Variants in LRRC4B observed in about 807,000 individuals in gnomAD.
LRRC4B encodes the protein leucine-rich repeat-containing protein 4B.
A neutral mutation model predicts 7.3 loss-of-function variants in LRRC4B; 1 was observed. The observed-to-expected ratio is 0.14, with a 90% CI of 0.05 to 0.65. The LOEUF is 0.65. Ranked by LOEUF, LRRC4B falls within the 30% of genes least tolerant of loss-of-function variation. The pLI, the probability that LRRC4B is intolerant of heterozygous loss-of-function variation, is 0.84. For synonymous variants in LRRC4B, 500 were observed against 499.2 expected (o/e 1.00, Z -0.02); for missense variants, 730 against 1,041.6 (o/e 0.70, Z 4.12).
chr19:50,520,227 AAAAAAAAAAAAAAAAAAAAAG>A (rs1980505208), intron 2 of LRRC4B, among the ~76,000 whole-genome samples: 3 of 68,434 alleles, frequency 4.4e-5, no homozygotes, highest in African/African-American at 1.2e-4. Context: ...AAAAAAAAAA[AAAAAAAAAAAAAAAAAAAAAG>A]AAGAAAAGAA....
At position 50,544,207 on chromosome 19, in the gene LRRC4B, C is replaced by CA. The variant is rs1405467255; in HGVS notation, c.297+4334dup. Among the ~76,000 whole-genome samples, 13 of 147,818 alleles carry CA rather than the reference C, an allele frequency of 8.8e-5. No individual in the cohort carries two copies. The South Asian group carries it at 1.9e-3, about 22-fold the overall frequency. ...GGGCAACAAAAGCAAAACTCCATCTCAAAAAAAATAAAAAATAGGCCGGGC... is the reference window on the plus strand; with the variant it reads ...GGGCAACAAAAGCAAAACTCCATCTCAAAAAAAAATAAAAAATAGGCCGGGC... On this transcript the variant is annotated intron_variant, in intron 2 of 2. Transcript: ENST00000652263.
intron 2 of LRRC4B, among the ~76,000 whole-genome samples, chr19:50,528,324 A>G (rs1171817419): frequency 2.0e-5 from 3 of 151,974 alleles, no homozygotes; most frequent in Non-Finnish European, 4.4e-5. Flanking sequence ...TACAGGTGTG[A>G]GTCACTATGT....
intron 2 of LRRC4B, among the ~76,000 whole-genome samples, chr19:50,521,575 G>A (rs565397985): frequency 2.0e-5 from 3 of 152,166 alleles, no homozygotes; most frequent in Admixed American, 2.0e-4. Context: ...TTACAGGGTC[G>A]TGCCACCACG....
Position 50,517,775 on chromosome 19 carries a change from C to T in LRRC4B, c.1938G>A (p.Gly646=). Residue 646 remains glycine, a synonymous_variant, in exon 3 of 3, where the codon GGG becomes GGA. Transcript: ENST00000652263. The surrounding 1 kb of genome is among the most constrained non-coding windows in gnomAD (Gnocchi z 6.6). ...AAVASGGGVG[G]DSHLALPALE... is the part of the protein sequence containing the mutation. ...GGGCGGGCAGGGCCAGGTGGCTGTC[C>T]CCGCCCACACCACCCCCACTGGCCA... 1 of 1,525,168 alleles carries T rather than the reference C, an allele frequency of 6.6e-7. No individual in the cohort carries two copies. Among genetic ancestry groups the T allele is most frequent in the Non-Finnish European group, 8.8e-7 (1 of 1,141,864 alleles). The allele number at this position is 1,525,168 out of a possible 1,614,324, so 94.5% of individuals were successfully genotyped here.
At chr19:50,552,425 GC>G (rs898795220) in intron 1 of LRRC4B, among the ~76,000 whole-genome samples, 1 of 151,826 alleles carries the variant, frequency 6.6e-6, no homozygotes, top group African/African-American at 2.4e-5. Flanking sequence ...TGCCACAAAG[GC>G]CCCCACCCCT....
chr19:50,557,805 CTT>C (rs1047303440), intron 1 of LRRC4B: 1 of 152,152 alleles, frequency 6.6e-6, no homozygotes, highest in African/African-American at 2.4e-5. Context: ...GTGTGGTCCA[CTT>C]ATATGTGGAC....
intron 2 of LRRC4B, among the ~76,000 whole-genome samples, chr19:50,542,468 G>A (rs907608769): frequency 3.2e-4 from 46 of 143,800 alleles, no homozygotes; most frequent in African/African-American, 1.1e-3. Context: ...GAGAATTGCT[G>A]ATTTTTTTTT....
At position 50,555,016 on chromosome 19, in the gene LRRC4B, C is replaced by G. The variant is rs929279681; in HGVS notation, c.-35-6143G>C. 6.6e-6 allele frequency among the ~76,000 whole-genome samples: 1 copy of G among 152,318 alleles called. No individual in the cohort carries two copies. The highest frequency in any genetic ancestry group is 2.1e-4 in the South Asian group (1 of 4,828). On this transcript the variant is annotated intron_variant, in intron 1 of 2. Coordinates refer to ENST00000652263, the MANE Select transcript of LRRC4B (RefSeq NM_001080457.2). This position sits in a 1 kb window ranked among gnomAD's most constrained non-coding sequence, Gnocchi z 5.2. ...CCCTTCCTCAGCCCCTGCAGTCACC[C>G]GCACTGCACAGGATATCACACGCCC...
chr19:50,551,364 G>A (rs895926511), intron 1 of LRRC4B, among the ~76,000 whole-genome samples: 9 of 150,432 alleles, frequency 6.0e-5, no homozygotes, highest in African/African-American at 1.2e-4. Context: ...CTGGCCTGTC[G>A]CCCTTCCCAC....
intron 1 of LRRC4B, among the ~76,000 whole-genome samples, chr19:50,559,806 G>A (rs993101309): frequency 9.9e-5 from 15 of 152,240 alleles, no homozygotes; most frequent in Admixed American, 9.2e-4. Context: ...TCTCAGACAT[G>A]AATGTGTGTC....
rs1055848974 is a variant in LRRC4B, at chr19:50,556,456, G to A, written c.-35-7583C>T. On this transcript the variant is annotated intron_variant, in intron 1 of 2. Transcript: ENST00000652263. The surrounding 1 kb of genome is among the most constrained non-coding windows in gnomAD (Gnocchi z 4.2). ...GCCCCTGCTGTGCCCTCGGCCAGCC[G>A]GGGGTGCTCTTCCTGGGGTCAGGGG... Among the ~76,000 whole-genome samples, 2 of 152,110 alleles carry A rather than the reference G, an allele frequency of 1.3e-5. No individual in the cohort carries two copies. The highest frequency in any genetic ancestry group is 4.8e-5 in the African/African-American group (2 of 41,412).
rs1402244753 is a variant in LRRC4B, at chr19:50,519,466, G to T, written c.298-51C>A. The T allele has an allele frequency of 1.4e-5, 21 of 1,484,542 alleles. No homozygotes were observed. The highest frequency in any genetic ancestry group is 2.3e-5 in the Admixed American group (1 of 44,202). The allele number at this position is 1,484,542 out of a possible 1,614,324, so 92.0% of individuals were successfully genotyped here. A position where few individuals can be genotyped will look rare whatever the true frequency, so the allele number is the denominator to read the frequency against. On this transcript the variant is annotated intron_variant, in intron 2 of 2. Transcript: ENST00000652263. The surrounding 1 kb of genome is among the most constrained non-coding windows in gnomAD (Gnocchi z 8.1). The stretch of plus-strand genomic sequence containing the variant: ...TCACGGAGATACTGACGGGGACCGT[G>T]GGGGGATCACCAAGGTCCCGGGCGC...
intron 2 of LRRC4B, among the ~76,000 whole-genome samples, chr19:50,539,304 G>A (rs944803400): frequency 2.0e-5 from 3 of 152,188 alleles, no homozygotes; most frequent in Admixed American, 1.3e-4. Flanking sequence ...TGAGGCACAT[G>A]GCAAGCCCAT....
intron 2 of LRRC4B, among the ~76,000 whole-genome samples, chr19:50,523,458 A>C (rs950101518): frequency 7.1e-6 from 1 of 141,410 alleles, no homozygotes; most frequent in African/African-American, 2.6e-5. Context: ...CGGGCAGATC[A>C]GTTGAGGTTG....
At chr19:50,546,647 G>A (rs1981824783) in intron 2 of LRRC4B, among the ~76,000 whole-genome samples, 1 of 152,142 alleles carries the variant, frequency 6.6e-6, no homozygotes, top group Admixed American at 6.5e-5. Context: ...TATACGGAGG[G>A]AGCGGGCCTG....
At chr19:50,528,693 C>T (rs1369211509) in intron 2 of LRRC4B, among the ~76,000 whole-genome samples, 3 of 152,186 alleles carry the variant, frequency 2.0e-5, no homozygotes, top group Non-Finnish European at 4.4e-5. Flanking sequence ...CCAGAGTGAA[C>T]ATGGCTAGCT....
intron 1 of LRRC4B, among the ~76,000 whole-genome samples, chr19:50,564,875 A>T (rs896890009): frequency 2.1e-5 from 1 of 48,474 alleles, no homozygotes. Flanking sequence ...TTCAGCGGCC[A>T]CCCCCGCCCC....
intron 2 of LRRC4B, among the ~76,000 whole-genome samples, chr19:50,531,001 G>A (rs529916833): frequency 3.5e-3 from 531 of 151,904 alleles, no homozygotes; most frequent in Non-Finnish European, 6.7e-3. Flanking sequence ...ACCTGCCTTG[G>A]CCTCTCAAAG....
intron 1 of LRRC4B, among the ~76,000 whole-genome samples, chr19:50,558,181 C>T (rs1982340843): frequency 6.7e-6 from 1 of 150,370 alleles, no homozygotes; most frequent in South Asian, 2.1e-4. Flanking sequence ...CCAAGTTGGT[C>T]AGGGGTCAAC....
Sources: allele counts gnomAD v4.1 joint callset (sites outside exome capture counted in the v4.1 genomes callset), GRCh38; gene constraint gnomAD v4.1.1; non-coding constraint Gnocchi (gnomAD v3.1); transcripts MANE v1.5; gene names NCBI Gene and HGNC (gene_info 2026-07-23, HGNC 2026-07-21).